Variants in SLC14A2 observed in about 807,000 individuals in gnomAD.
SLC14A2 encodes the protein urea transporter 2.
SLC14A2 carries 91 observed loss-of-function variants against 104.6 expected under a neutral mutation model. That is an observed-to-expected ratio of 0.87 (90% CI 0.73 to 1.04). The LOEUF (loss-of-function observed/expected upper bound fraction) is 1.04, where lower values mean the gene tolerates loss of function less well. Ranked by LOEUF, SLC14A2 falls within the 50% of genes least tolerant of loss-of-function variation. The pLI is 0.00. For missense variants in SLC14A2, 1,189 were observed against 1,156.0 expected, an observed-to-expected ratio of 1.03 and a Z score of -0.41; for synonymous variants, 476 against 466.4, an observed-to-expected ratio of 1.02 and a Z score of -0.27.
intron 2 of SLC14A2, among the ~76,000 whole-genome samples, chr18:45,564,482 A>G (rs1332110733): frequency 1.3e-5 from 2 of 152,148 alleles, no homozygotes; most frequent in Non-Finnish European, 2.9e-5. Context: ...GGTGACAGCT[A>G]CTGATGAGTG....
intron 2 of SLC14A2, among the ~76,000 whole-genome samples, chr18:45,563,102 G>T (rs559006287): frequency 1.3e-5 from 2 of 152,194 alleles, no homozygotes; most frequent in South Asian, 4.1e-4. Flanking sequence ...CTGACAAGAC[G>T]GTTGGTGGGA....
chr18:45,178,743 A>G, the SLC14A2 span, among the ~76,000 whole-genome samples: 1 of 152,132 alleles, frequency 6.6e-6, no homozygotes, highest in African/African-American at 2.4e-5. Context: ...ATTTCTACAA[A>G]TAAGAAAACC....
At chr18:45,190,083 G>C in the SLC14A2 span, among the ~76,000 whole-genome samples, 3 of 152,172 alleles carry the variant, frequency 2.0e-5, no homozygotes, top group Admixed American at 6.5e-5. Flanking sequence ...GGAAGGCTTT[G>C]CAGGTGAGAT....
rs185694662 is a variant in SLC14A2 at position 45,420,215 on chromosome 18, T to C, written c.-124-63018T>C. Among the ~76,000 whole-genome samples, 913 of 152,282 alleles carry C rather than the reference T, an allele frequency of 6.0e-3. 5 individuals carry two copies. Among genetic ancestry groups the C allele is most frequent in the Middle Eastern group, 0.024 (7 of 294 alleles). Reference sequence around the variant, plus strand: ...GTCCTCAGTTCCCCACCCGAATCTCTCCACAGGGTTGCTTGAGTGGCCTCA... The same window carrying C: ...GTCCTCAGTTCCCCACCCGAATCTCCCCACAGGGTTGCTTGAGTGGCCTCA... On this transcript the variant is annotated intron_variant, in intron 1 of 20. Transcript: ENST00000586448.
At chr18:45,539,965 A>G (rs1192638119) in intron 2 of SLC14A2, among the ~76,000 whole-genome samples, 1 of 152,198 alleles carries the variant, frequency 6.6e-6, no homozygotes, top group Non-Finnish European at 1.5e-5. Context: ...TATGTGAAAC[A>G]GGGAATGTCA....
intron 1 of SLC14A2, among the ~76,000 whole-genome samples, chr18:45,316,046 G>T (rs1465554010): frequency 6.6e-6 from 1 of 152,160 alleles, no homozygotes; most frequent in Non-Finnish European, 1.5e-5. Context: ...AGAAGTAGGG[G>T]GCTATTCTCA....
intron 1 of SLC14A2, among the ~76,000 whole-genome samples, chr18:45,333,636 G>A (rs975459837): frequency 2.0e-5 from 3 of 152,110 alleles, no homozygotes; most frequent in African/African-American, 4.8e-5. Flanking sequence ...TTTTTGCTAG[G>A]CATGGCGGGA....
At chr18:45,561,496 C>T (rs973767681) in intron 2 of SLC14A2, among the ~76,000 whole-genome samples, 7 of 152,150 alleles carry the variant, frequency 4.6e-5, no homozygotes, top group Non-Finnish European at 8.8e-5. Context: ...AAAGGGTGTC[C>T]AGTCTTATGC....
chr18:45,234,817 C>T (rs978572288), intron 1 of SLC14A2, among the ~76,000 whole-genome samples: 3 of 152,058 alleles, frequency 2.0e-5, no homozygotes, highest in Admixed American at 6.6e-5. Context: ...TATATAGCAG[C>T]ATTTTGTTTT....
chr18:45,416,718 A>AACTACCGTAT (rs1330417012), intron 1 of SLC14A2, among the ~76,000 whole-genome samples: 2 of 152,184 alleles, frequency 1.3e-5, no homozygotes, highest in African/African-American at 4.8e-5. Context: ...ATGGGTATTT[A>AACTACCGTAT]ACTACCGTAT....
intron 1 of SLC14A2, among the ~76,000 whole-genome samples, chr18:45,363,166 T>C (rs554361615): frequency 6.6e-6 from 1 of 152,272 alleles, no homozygotes; most frequent in East Asian, 1.9e-4. Flanking sequence ...GAATAGTCCC[T>C]TTTTATCGCT....
At chr18:45,583,702 G>A (rs1336022947) in intron 2 of SLC14A2, among the ~76,000 whole-genome samples, 1 of 151,870 alleles carries the variant, frequency 6.6e-6, no homozygotes, top group Non-Finnish European at 1.5e-5. Context: ...CAATGACTGA[G>A]AAATATAATG....
intron 11 of SLC14A2, 124 bp downstream of exon 11, chr18:45,664,031 C>T (rs2045974104): frequency 1.6e-5 from 16 of 1,020,164 alleles, no homozygotes; most frequent in Non-Finnish European, 1.5e-5. Flanking sequence ...CTTGACCTCT[C>T]ACACCTGACG....
chr18:45,223,039 A>G (rs908105120), intron 1 of SLC14A2, among the ~76,000 whole-genome samples: 2 of 152,222 alleles, frequency 1.3e-5, no homozygotes, highest in African/African-American at 4.8e-5. Flanking sequence ...ACCATGGACC[A>G]TCATGGCCAA....
intron 3 of SLC14A2, among the ~76,000 whole-genome samples, chr18:45,626,370 C>T (rs1187580858): frequency 2.0e-5 from 3 of 152,160 alleles, no homozygotes; most frequent in African/African-American, 7.2e-5. Flanking sequence ...CCACTAGCCC[C>T]GACACCTGCA....
intron 1 of SLC14A2, among the ~76,000 whole-genome samples, chr18:45,226,009 G>A (rs1025544610): frequency 2.0e-5 from 3 of 152,186 alleles, no homozygotes; most frequent in African/African-American, 7.2e-5. Flanking sequence ...AGTGGGCAAA[G>A]GATATGAACA....
chr18:45,663,951 G>A, intron 11 of SLC14A2, 44 bp downstream of exon 11: 1 of 1,561,582 alleles, frequency 6.4e-7, no homozygotes, highest in East Asian at 2.3e-5. Context: ...TGCCTTCCTA[G>A]TCTCTAATAA....
the SLC14A2 span, among the ~76,000 whole-genome samples, chr18:45,192,373 T>G: frequency 6.6e-6 from 1 of 152,238 alleles, no homozygotes; most frequent in Non-Finnish European, 1.5e-5. Flanking sequence ...ATAAAGCTGC[T>G]GTGAGCATCC....
At chr18:45,384,297 A>T (rs2144391365) in intron 1 of SLC14A2, among the ~76,000 whole-genome samples, 1 of 152,262 alleles carries the variant, frequency 6.6e-6, no homozygotes, top group East Asian at 1.9e-4. Context: ...TGGTGATTTC[A>T]CCTTCAAAGT....
Sources: allele counts gnomAD v4.1 joint callset (sites outside exome capture counted in the v4.1 genomes callset), GRCh38; gene constraint gnomAD v4.1.1; transcripts MANE v1.5; gene names NCBI Gene and HGNC (gene_info 2026-07-23, HGNC 2026-07-21).